The following UGT2A3 variants were observed in gnomAD, a reference collection of about 807,000 sequenced individuals.
The protein encoded by UGT2A3 is UDP glucuronosyltransferase family 2 member A3, also known as UDP-glucuronosyltransferase 2A3.
A neutral mutation model predicts 44.1 loss-of-function variants in UGT2A3; 55 were observed. That is an observed-to-expected ratio of 1.25 (90% CI 1.00 to 1.56). UGT2A3 has a LOEUF of 1.56. UGT2A3 is among the 40% of genes most tolerant of loss of function. UGT2A3 has a pLI of 0.00. For synonymous variants in UGT2A3, 243 were observed against 215.1 expected (o/e 1.13, Z -1.13); for missense variants, 733 against 621.6 (o/e 1.18, Z -1.91).
chr4:68,937,361 C>T (rs932656464), intron 2 of UGT2A3, among the ~76,000 whole-genome samples: 1 of 152,100 alleles, frequency 6.6e-6, no homozygotes, highest in Admixed American at 6.6e-5. Context: ...TCACAACAGT[C>T]TCTCAGACCA....
At chr4:68,943,173 T>C (rs1216351400) in intron 2 of UGT2A3, 5 of 396,962 alleles carry the variant, frequency 1.3e-5, no homozygotes, top group Non-Finnish European at 1.6e-5. Flanking sequence ...TTTTTAAAAA[T>C]ATGACTTCTA....
At chr4:68,948,817 A>G (rs1718477710) in intron 1 of UGT2A3, among the ~76,000 whole-genome samples, 1 of 151,842 alleles carries the variant, frequency 6.6e-6, no homozygotes, top group Non-Finnish European at 1.5e-5. Flanking sequence ...TGTTGCTACA[A>G]AGGAACAACT....
At chr4:68,935,431 A>G (rs975984649) in intron 2 of UGT2A3, among the ~76,000 whole-genome samples, 10 of 151,124 alleles carry the variant, frequency 6.6e-5, no homozygotes, top group African/African-American at 2.4e-4. Context: ...TCTGGAGTGG[A>G]CCTCCAGCAA....
chr4:68,940,371 A>G (rs1398257117), intron 2 of UGT2A3, among the ~76,000 whole-genome samples: 3 of 152,108 alleles, frequency 2.0e-5, no homozygotes, highest in Non-Finnish European at 4.4e-5. Flanking sequence ...TGCAGCCATA[A>G]ATAAGGATGA....
intron 3 of UGT2A3, among the ~76,000 whole-genome samples, 189 bp downstream of exon 3, chr4:68,932,439 A>G (rs566144041): frequency 3.9e-5 from 6 of 152,138 alleles, no homozygotes; most frequent in Admixed American, 2.0e-4. Context: ...ATGACAATCA[A>G]GAAAGTTGTT....
At chr4:68,938,565 A>G (rs149199416) in intron 2 of UGT2A3, among the ~76,000 whole-genome samples, 207 of 152,240 alleles carry the variant, frequency 1.4e-3, no homozygotes, top group African/African-American at 4.1e-3. Context: ...AAATAATAAG[A>G]GCTATTTATG....
intron 2 of UGT2A3, among the ~76,000 whole-genome samples, chr4:68,941,015 TC>T (rs1395394557): frequency 9.2e-5 from 14 of 151,828 alleles, no homozygotes; most frequent in African/African-American, 3.4e-4. Flanking sequence ...TGGAAGCAGA[TC>T]CCTCATGAAT....
At chr4:68,947,998 C>T (rs1718443020) in intron 1 of UGT2A3, among the ~76,000 whole-genome samples, 2 of 151,780 alleles carry the variant, frequency 1.3e-5, no homozygotes, top group South Asian at 4.1e-4. Flanking sequence ...AGTAAATGGG[C>T]ATTGGCTTTA....
intron 1 of UGT2A3, among the ~76,000 whole-genome samples, chr4:68,948,685 A>G (rs1308520501): frequency 1.3e-5 from 2 of 151,712 alleles, no homozygotes; most frequent in Non-Finnish European, 2.9e-5. Flanking sequence ...ATTTGTTCTT[A>G]TCATTTGTAT....
chr4:68,934,319 C>G (rs1717854565), intron 2 of UGT2A3, among the ~76,000 whole-genome samples: 1 of 151,810 alleles, frequency 6.6e-6, no homozygotes, highest in East Asian at 1.9e-4. Context: ...AGAAAGATAT[C>G]AAATAAACAA....
At chr4:68,935,029 A>G (rs566637601) in intron 2 of UGT2A3, among the ~76,000 whole-genome samples, 2 of 151,760 alleles carry the variant, frequency 1.3e-5, no homozygotes, top group African/African-American at 4.8e-5. Flanking sequence ...ATGAAGAAAT[A>G]AAAACAAGGA....
chr4:68,932,861 G>T, intron 2 of UGT2A3, 102 bp from the exon 3 acceptor site: 1 of 1,205,444 alleles, frequency 8.3e-7, no homozygotes, highest in Non-Finnish European at 1.2e-6. Context: ...AATTATTAAT[G>T]TGTAGTTATA....
intron 1 of UGT2A3, among the ~76,000 whole-genome samples, chr4:68,947,092 T>G (rs186192656): frequency 2.6e-5 from 4 of 151,836 alleles, no homozygotes; most frequent in African/African-American, 9.6e-5. Flanking sequence ...TTGCATGAAT[T>G]GACTCATCTT....
At position 68,945,373 on chromosome 4, in the gene UGT2A3, T is replaced by C. The variant is rs761570812; in HGVS notation, c.797A>G (p.Gln266Arg). The C allele has an allele frequency of 6.2e-7, 1 of 1,611,530 alleles. No homozygotes were observed. Among genetic ancestry groups the C allele is most frequent in the Admixed American group, 1.7e-5 (1 of 59,706 alleles). ...IRTYWDFEFP[Q>R]PYQPNFEFVG... The stretch of plus-strand genomic sequence containing the variant: ...AAACTCAAAGTTAGGTTGGTATGGT[T>C]GAGGAAATTCAAAATCCCAATATGT... Residue 266 changes from glutamine (Q) to arginine (R), a missense_variant, in exon 2 of 6, where the codon CAA (glutamine) becomes CGA (arginine). By Grantham distance (43) the Gln-to-Arg change is conservative. Transcript: ENST00000251566.
chr4:68,951,720 T>C lies in UGT2A3; in HGVS notation c.41A>G (p.Gln14Arg). Residue 14 changes from glutamine (Q) to arginine (R), a missense_variant, in exon 1 of 6, where the codon CAG becomes CGG. Transcript: ENST00000251566. ...DKSALVFLLL[Q>R]LFCVGCGFCG... ...GAATCCACAGCCAACACAGAAGAGC[T>C]GCAGGAGCAGAAATACCAAAGCTGA... The C allele has an allele frequency of 6.2e-7, 1 of 1,605,744 alleles. No individual in the cohort carries two copies. The highest frequency in any genetic ancestry group is 8.5e-7 in the Non-Finnish European group (1 of 1,176,228).
chr4:68,931,204 T>C lies in UGT2A3; in HGVS notation c.1035A>G (p.Leu345=). The C allele has an allele frequency of 6.2e-7, 1 of 1,613,058 alleles. No homozygotes were observed. The highest frequency in any genetic ancestry group is 8.5e-7 in the Non-Finnish European group (1 of 1,179,376). The change falls in exon 4 of 6, where the codon TTA becomes TTG. Residue 345 remains leucine (L), a synonymous_variant. Coordinates refer to ENST00000251566, the MANE Select transcript of UGT2A3 (RefSeq NM_024743.4). The part of the protein sequence containing the change: ...WRYKGKKPST[L]GANTRLYDWI... ...AATCATACAGCCGAGTATTGGCTCC[T>C]AATGTGGATGGTTTTTTTCCTTTGT...
In UGT2A3 at chr4:68,951,199, G is replaced by C. The variant is rs766629444; in HGVS notation, c.562C>G (p.Pro188Ala). ...MERSCGKLPA[P>A]LSYVPVPMTG... ...ATAGGCACAGGTACATAGGAAAGTGGAGCTGGAAGTTTCCCACAGCTTCGC... is the reference window on the plus strand; with the variant it reads ...ATAGGCACAGGTACATAGGAAAGTGCAGCTGGAAGTTTCCCACAGCTTCGC... Residue 188 changes from proline (P) to alanine (A), a missense_variant, in exon 1 of 6, where the codon CCA becomes GCA. By Grantham distance (27) the Pro-to-Ala change is conservative. Coordinates refer to ENST00000251566, the MANE Select transcript of UGT2A3 (RefSeq NM_024743.4). 1.2e-5 allele frequency: 20 copies of C among 1,612,010 alleles called. No individual in the cohort carries two copies. In the South Asian group the frequency reaches 1.8e-4, roughly 14 times the overall value.
Sources: allele counts gnomAD v4.1 joint callset (sites outside exome capture counted in the v4.1 genomes callset), GRCh38; gene constraint gnomAD v4.1.1; transcripts MANE v1.5; gene names NCBI Gene and HGNC (gene_info 2026-07-23, HGNC 2026-07-21).